ZNF804A: variants seen among roughly 807,000 people sequenced by gnomAD.
ZNF804A encodes the protein zinc finger protein 804A.
Under a neutral mutation model 16.5 loss-of-function variants are expected in ZNF804A, and 2 were observed. That is an observed-to-expected ratio of 0.12 (90% CI 0.05 to 0.38). ZNF804A has a LOEUF of 0.38. Ranked by LOEUF, ZNF804A falls within the 10% of genes least tolerant of loss-of-function variation. ZNF804A has a pLI of 0.99. For synonymous variants in ZNF804A, 534 were observed against 489.6 expected (o/e 1.09, Z -1.20); for missense variants, 1,473 against 1,390.7 (o/e 1.06, Z -0.94).
At chr2:184,873,551 G>A (rs1696007690) in intron 2 of ZNF804A, among the ~76,000 whole-genome samples, 2 of 152,246 alleles carry the variant, frequency 1.3e-5, no homozygotes, top group South Asian at 4.1e-4. Context: ...CATGTAATAT[G>A]ATATTTATTA....
intron 1 of ZNF804A, among the ~76,000 whole-genome samples, chr2:184,631,168 A>G (rs1040016387): frequency 1.3e-5 from 2 of 152,140 alleles, no homozygotes; most frequent in Non-Finnish European, 2.9e-5. Flanking sequence ...CAAACTTTGT[A>G]CATTTCTAGG....
chr2:184,813,896 T>C (rs1694935867), intron 1 of ZNF804A, among the ~76,000 whole-genome samples: 1 of 151,744 alleles, frequency 6.6e-6, no homozygotes, highest in Non-Finnish European at 1.5e-5. Context: ...TCTTTGATTG[T>C]CTCCCTTCTG....
intron 1 of ZNF804A, among the ~76,000 whole-genome samples, chr2:184,772,037 G>C (rs1380317492): frequency 6.6e-6 from 1 of 151,838 alleles, no homozygotes. Flanking sequence ...CAGATCATTT[G>C]GTGTCCCTTT....
At chr2:184,618,269 G>A (rs1037256009) in intron 1 of ZNF804A, among the ~76,000 whole-genome samples, 7 of 151,874 alleles carry the variant, frequency 4.6e-5, no homozygotes, top group Non-Finnish European at 1.0e-4. Context: ...TAAACATCTG[G>A]ATACTTAATT....
intron 2 of ZNF804A, among the ~76,000 whole-genome samples, chr2:184,873,786 A>G (rs952303911): frequency 2.0e-5 from 3 of 152,208 alleles, no homozygotes; most frequent in Admixed American, 2.0e-4. Flanking sequence ...GTTCAAAAAT[A>G]AGCGACAGTT....
chr2:184,852,806 T>C (rs774560684), intron 1 of ZNF804A, among the ~76,000 whole-genome samples: 1 of 149,514 alleles, frequency 6.7e-6, no homozygotes, highest in Non-Finnish European at 1.5e-5. Context: ...CATTGGTCTA[T>C]GTGTCTTTTA....
chr2:184,813,562 AAT>A (rs1694931585), intron 1 of ZNF804A, among the ~76,000 whole-genome samples: 1 of 152,090 alleles, frequency 6.6e-6, no homozygotes, highest in South Asian at 2.1e-4. Flanking sequence ...TCAGGGGCAG[AAT>A]ATAAGGGCAA....
rs1218015429 is a variant in ZNF804A, at chr2:184,602,792, G to A, written c.111+3722G>A. Among the ~76,000 whole-genome samples the A allele has an allele frequency of 2.6e-5, 4 of 151,910 alleles. No individual in the cohort carries two copies. In the East Asian group the frequency reaches 7.7e-4, roughly 29 times the overall value. On this transcript the variant is annotated intron_variant, in intron 1 of 3. Transcript: ENST00000302277. Reference sequence around the variant, plus strand: ...CAAAAGAATCAGTGATAGTTTTGAGGTCACACAATGAGTCAATATTATCAA... The same window carrying A: ...CAAAAGAATCAGTGATAGTTTTGAGATCACACAATGAGTCAATATTATCAA...
At chr2:184,693,739 C>G (rs1191717258) in intron 1 of ZNF804A, among the ~76,000 whole-genome samples, 2 of 151,884 alleles carry the variant, frequency 1.3e-5, no homozygotes, top group Non-Finnish European at 2.9e-5. Context: ...TGGTGTTACC[C>G]TCTTGATAAA....
At chr2:184,611,023 A>C (rs1314974825) in intron 1 of ZNF804A, among the ~76,000 whole-genome samples, 1 of 152,184 alleles carries the variant, frequency 6.6e-6, no homozygotes, top group Non-Finnish European at 1.5e-5. Flanking sequence ...GCTTACATAC[A>C]ACAGAAATGT....
At chr2:184,765,248 A>G (rs1694100240) in intron 1 of ZNF804A, among the ~76,000 whole-genome samples, 1 of 152,164 alleles carries the variant, frequency 6.6e-6, no homozygotes, top group Admixed American at 6.5e-5. Flanking sequence ...TGGGCTGAAT[A>G]AGCATACAGG....
intron 1 of ZNF804A, among the ~76,000 whole-genome samples, chr2:184,748,866 T>C (rs1171742983): frequency 6.6e-6 from 1 of 151,540 alleles, no homozygotes; most frequent in African/African-American, 2.4e-5. Context: ...TGCTTCTTTT[T>C]GTTGAACTTG....
Position 184,937,450 on chromosome 2 carries a change from A to T in ZNF804A, c.2054A>T (p.Asp685Val), listed in dbSNP as rs763270063. 2.5e-6 allele frequency: 4 copies of T among 1,610,068 alleles called. No homozygotes were observed. In the East Asian group the frequency reaches 9.0e-5, roughly 36 times the overall value. Residue 685 changes from aspartate (D) to valine (V), a missense_variant, in exon 4 of 4, where the codon GAT (aspartate) becomes GTT (valine). Coordinates refer to ENST00000302277, the MANE Select transcript of ZNF804A (RefSeq NM_194250.2). ...TGGAATACTGAATACAACACTTATG[A>T]TACTATCAGTTCTAAAAACCACTGT... is the stretch of plus-strand genomic sequence containing the variant. The part of the protein sequence containing the change: ...KTWNTEYNTY[D>V]TISSKNHCKK...
intron 2 of ZNF804A, among the ~76,000 whole-genome samples, chr2:184,875,673 A>G (rs1320242209): frequency 1.3e-5 from 2 of 151,972 alleles, no homozygotes; most frequent in South Asian, 4.2e-4. Flanking sequence ...TTAATTCTCA[A>G]TTTCAAACTT....
At chr2:184,922,134 A>C (rs998734369) in intron 2 of ZNF804A, among the ~76,000 whole-genome samples, 5 of 152,038 alleles carry the variant, frequency 3.3e-5, no homozygotes, top group Admixed American at 3.3e-4. Context: ...GTATAGTGAG[A>C]TTGCTGGATT....
At chr2:184,614,130 A>G (rs2105674307) in intron 1 of ZNF804A, among the ~76,000 whole-genome samples, 1 of 152,246 alleles carries the variant, frequency 6.6e-6, no homozygotes, top group South Asian at 2.1e-4. Flanking sequence ...AAATAACACC[A>G]CACATCTACA....
At chr2:184,693,486 C>T (rs1692766250) in intron 1 of ZNF804A, among the ~76,000 whole-genome samples, 1 of 152,150 alleles carries the variant, frequency 6.6e-6, no homozygotes, top group South Asian at 2.1e-4. Context: ...ATTGCACTCA[C>T]ATTTCTCCAT....
Position 184,680,013 on chromosome 2 carries a change from A to G in ZNF804A, c.111+80943A>G, listed in dbSNP as rs143869013. Among the ~76,000 whole-genome samples the G allele has an allele frequency of 8.5e-5, 13 of 152,336 alleles. No individual in the cohort carries two copies. In the East Asian group the frequency reaches 2.5e-3, roughly 29 times the overall value. On this transcript the variant is annotated intron_variant, in intron 1 of 3. Transcript: ENST00000302277. Reference sequence around the variant, plus strand: ...CCTGCTCATGGCCACTCATGGACCAATCAGCACACACTTTTTCACCTCTGA... The same window carrying G: ...CCTGCTCATGGCCACTCATGGACCAGTCAGCACACACTTTTTCACCTCTGA...
chr2:184,700,358 T>C (rs1692900030), intron 1 of ZNF804A, among the ~76,000 whole-genome samples: 1 of 152,032 alleles, frequency 6.6e-6, no homozygotes, highest in African/African-American at 2.4e-5. Flanking sequence ...AATATTTTTG[T>C]GTAAAAACTG....
Sources: gnomAD v4.1 joint callset for allele counts (sites outside exome capture counted in the v4.1 genomes callset) on GRCh38, gnomAD v4.1.1 for gene constraint, MANE v1.5 for transcripts, NCBI Gene and HGNC (gene_info 2026-07-23, HGNC 2026-07-21) for gene names.